Variants in STXBP6 observed in about 807,000 individuals in gnomAD.
The protein encoded by STXBP6 is syntaxin-binding protein 6.
Under a neutral mutation model 26.9 loss-of-function variants are expected in STXBP6, and 21 were observed. The observed-to-expected ratio is 0.78, with a 90% CI of 0.55 to 1.12. The LOEUF (loss-of-function observed/expected upper bound fraction) is 1.12. Among genes scored for constraint, STXBP6 ranks in the 50% most tolerant of loss-of-function variants. The probability of loss-of-function intolerance (pLI) is 0.00; values close to 1 mark genes in which losing one functional copy is unlikely to be tolerated. For synonymous variants in STXBP6, 97 were observed against 92.6 expected, an observed-to-expected ratio of 1.05 and a Z score of -0.27; for missense variants, 232 against 257.9, an observed-to-expected ratio of 0.90 and a Z score of 0.69.
At chr14:24,972,399 G>A (rs960837477) in intron 2 of STXBP6, among the ~76,000 whole-genome samples, 1 of 152,132 alleles carries the variant, frequency 6.6e-6, no homozygotes, top group Non-Finnish European at 1.5e-5. Context: ...CACTCTTGCA[G>A]GCTTCATGAT....
chr14:24,948,970 C>T (rs999674967), intron 2 of STXBP6, among the ~76,000 whole-genome samples: 4 of 152,000 alleles, frequency 2.6e-5, no homozygotes, highest in Admixed American at 6.6e-5. Context: ...CTTTCTAATA[C>T]GTTGGTGCAC....
At chr14:25,031,323 G>A (rs2075450200) in intron 1 of STXBP6, among the ~76,000 whole-genome samples, 1 of 152,150 alleles carries the variant, frequency 6.6e-6, no homozygotes, top group Admixed American at 6.5e-5. Flanking sequence ...TCGAGAGATT[G>A]GAATTAAGAA....
chr14:24,880,551 T>C (rs1372130803), intron 2 of STXBP6, among the ~76,000 whole-genome samples: 1 of 152,132 alleles, frequency 6.6e-6, no homozygotes, highest in Admixed American at 6.5e-5. Context: ...GCAGAAACTG[T>C]AGGCCAGGTA....
intron 2 of STXBP6, among the ~76,000 whole-genome samples, chr14:24,898,812 AG>A (rs1364899369): frequency 1.3e-5 from 2 of 152,244 alleles, no homozygotes; most frequent in East Asian, 3.9e-4. Flanking sequence ...GTTTATATAA[AG>A]GCATTAAATT....
At chr14:24,912,704 G>T (rs1456191159) in intron 2 of STXBP6, among the ~76,000 whole-genome samples, 1 of 152,152 alleles carries the variant, frequency 6.6e-6, no homozygotes, top group East Asian at 1.9e-4. Context: ...GTGGCCCTCA[G>T]ACCATGCTAT....
chr14:24,921,091 T>C (rs369520093), intron 2 of STXBP6, among the ~76,000 whole-genome samples: 1 of 152,166 alleles, frequency 6.6e-6, no homozygotes, highest in African/African-American at 2.4e-5. Flanking sequence ...TGCCACTTAG[T>C]AGGCAAGTTG....
At chr14:25,008,193 T>G (rs1042238619) in intron 1 of STXBP6, among the ~76,000 whole-genome samples, 4 of 152,214 alleles carry the variant, frequency 2.6e-5, no homozygotes, top group African/African-American at 9.6e-5. Context: ...TTTAAAAATT[T>G]TTTTTAAGTT....
At chr14:24,836,267 C>T (rs983661478) in intron 4 of STXBP6, among the ~76,000 whole-genome samples, 3 of 152,152 alleles carry the variant, frequency 2.0e-5, no homozygotes, top group Non-Finnish European at 4.4e-5. Flanking sequence ...AGTCAAACTA[C>T]TAAAGATAAA....
chr14:24,921,513 A>G (rs1287385786), intron 2 of STXBP6, among the ~76,000 whole-genome samples: 1 of 152,166 alleles, frequency 6.6e-6, no homozygotes, highest in Non-Finnish European at 1.5e-5. Context: ...TGTCTCGTTT[A>G]GCATTCCTTT....
chr14:25,001,486 A>G (rs1244902898), intron 1 of STXBP6, among the ~76,000 whole-genome samples: 1 of 152,192 alleles, frequency 6.6e-6, no homozygotes, highest in Non-Finnish European at 1.5e-5. Flanking sequence ...TGCCAGAAGG[A>G]CCAAGGCATG....
chr14:24,870,095 C>T (rs966054275), intron 2 of STXBP6, among the ~76,000 whole-genome samples: 1 of 152,120 alleles, frequency 6.6e-6, no homozygotes, highest in African/African-American at 2.4e-5. Flanking sequence ...AAGGTTCATG[C>T]ATACCAGTAA....
intron 1 of STXBP6, among the ~76,000 whole-genome samples, chr14:24,984,989 A>G (rs886511660): frequency 6.6e-6 from 1 of 152,228 alleles, no homozygotes; most frequent in African/African-American, 2.4e-5. Context: ...AAACAGGACA[A>G]ATTCAACTGC....
chr14:24,903,197 T>A (rs901120362), intron 2 of STXBP6, among the ~76,000 whole-genome samples: 31 of 152,162 alleles, frequency 2.0e-4, no homozygotes, highest in Admixed American at 2.0e-3. Context: ...AGAGCTCGCA[T>A]TTTTGGTGTT....
At chr14:24,869,778 T>C (rs2139320598) in intron 2 of STXBP6, among the ~76,000 whole-genome samples, 1 of 152,296 alleles carries the variant, frequency 6.6e-6, no homozygotes, top group South Asian at 2.1e-4. Context: ...GTAGAGATTA[T>C]TCTGATAAAG....
chr14:24,913,162 C>T (rs1425225376), intron 2 of STXBP6, among the ~76,000 whole-genome samples: 1 of 152,098 alleles, frequency 6.6e-6, no homozygotes, highest in Non-Finnish European at 1.5e-5. Context: ...GGGATTCCAA[C>T]AAAAAGTAGC....
At chr14:24,875,750 C>T (rs923180364) in intron 2 of STXBP6, among the ~76,000 whole-genome samples, 1 of 152,024 alleles carries the variant, frequency 6.6e-6, no homozygotes, top group African/African-American at 2.4e-5. Flanking sequence ...TCTGAAGGCA[C>T]AAATAACATT....
chr14:24,816,599 C>G (rs750991837), intron 5 of STXBP6: 1 of 151,994 alleles, frequency 6.6e-6, no homozygotes, highest in Non-Finnish European at 1.5e-5. Flanking sequence ...AAGCTGTCCA[C>G]GCCTCACCCC....
intron 1 of STXBP6, among the ~76,000 whole-genome samples, chr14:25,022,912 C>CCT (rs2075285544): frequency 6.6e-6 from 1 of 152,186 alleles, no homozygotes; most frequent in Non-Finnish European, 1.5e-5. Flanking sequence ...ACACCTCACC[C>CCT]CTCTCCTACC....
At chr14:24,911,833 G>A (rs1173184444) in intron 2 of STXBP6, among the ~76,000 whole-genome samples, 3 of 152,144 alleles carry the variant, frequency 2.0e-5, no homozygotes, top group African/African-American at 7.2e-5. Context: ...AAATATGCAC[G>A]TGCACATTTG....
Sources: allele counts gnomAD v4.1 joint callset (sites outside exome capture counted in the v4.1 genomes callset), GRCh38; gene constraint gnomAD v4.1.1; transcripts MANE v1.5; gene names NCBI Gene and HGNC (gene_info 2026-07-23, HGNC 2026-07-21).